Variants in UEVLD observed in about 807,000 individuals in gnomAD.
UEVLD encodes the protein UEV and lactate/malate dehyrogenase domains, also known as ubiquitin-conjugating enzyme E2 variant 3.
Under a neutral mutation model 58.6 loss-of-function variants are expected in UEVLD, and 47 were observed. The observed-to-expected ratio is 0.80, with a 90% CI of 0.63 to 1.02. The LOEUF is 1.02. Among genes scored for constraint, UEVLD ranks in the 50% least tolerant of loss-of-function variants. The pLI, the probability that UEVLD is intolerant of heterozygous loss-of-function variation, is 0.00. For missense variants in UEVLD, 510 were observed against 550.6 expected (o/e 0.93, Z 0.74); for synonymous variants, 197 against 195.3 (o/e 1.01, Z -0.07).
Position 18,532,387 on chromosome 11 carries a change from GTA to G in UEVLD, c.1347_1348del (p.Thr450SerfsTer3). On this transcript the variant is annotated frameshift_variant, in exon 12 of 12. Coordinates refer to ENST00000396197, the MANE Select transcript of UEVLD (RefSeq NM_001040697.4). LOFTEE classifies it high-confidence loss of function. ...ACTGCTTTGGAGTTTCTCAGTAACTGTATCTTCTTTCAGTGTGGTTTTGATAA... is the reference window on the plus strand; with the variant it reads ...ACTGCTTTGGAGTTTCTCAGTAACTGTCTTCTTTCAGTGTGGTTTTGATAA... 1.9e-6 allele frequency: 3 copies of G among 1,613,612 alleles called. No individual in the cohort carries two copies. The highest frequency in any genetic ancestry group is 2.5e-6 in the Non-Finnish European group (3 of 1,179,820).
At chr11:18,536,587 T>C in intron 9 of UEVLD, 118 bp from the exon 10 acceptor site, 1 of 838,454 alleles carries the variant, frequency 1.2e-6, no homozygotes, top group Non-Finnish European at 1.9e-6. Flanking sequence ...AGTTTTCTCA[T>C]TTCTAGCAAG....
intron 8 of UEVLD, among the ~76,000 whole-genome samples, chr11:18,545,070 C>CTATATCTATATCTATATA (rs1554976327): frequency 9.7e-6 from 1 of 103,472 alleles, no homozygotes; most frequent in African/African-American, 3.6e-5. Flanking sequence ...ATATCTATAT[C>CTATATCTATATCTATATA]TATATTTTTT....
intron 6 of UEVLD, among the ~76,000 whole-genome samples, chr11:18,559,185 TTTTTCTTTTC>T (rs372949115): frequency 2.7e-5 from 4 of 150,286 alleles, no homozygotes; most frequent in African/African-American, 7.3e-5. Flanking sequence ...TGCAGGTTTC[TTTTTCTTTTC>T]TTTTCTTTTC....
chr11:18,536,373 G>A lies in UEVLD; in HGVS notation c.1124+33C>T, dbSNP rs779364040. ...TTAGCTATGAAGTAAATGATTTTTC[G>A]TTGGATAAATGCAAATTTCCAGTCA... is the stretch of plus-strand genomic sequence containing the variant. On this transcript the variant is annotated intron_variant, in intron 10 of 11. Coordinates refer to ENST00000396197, the MANE Select transcript of UEVLD (RefSeq NM_001040697.4). 91 of 1,596,556 alleles carry A rather than the reference G, an allele frequency of 5.7e-5. No homozygotes were observed. The East Asian group carries it at 1.0e-3, about 18-fold the overall frequency.
chr11:18,551,774 C>A (rs1851540833), intron 7 of UEVLD, among the ~76,000 whole-genome samples: 1 of 152,174 alleles, frequency 6.6e-6, no homozygotes, highest in Non-Finnish European at 1.5e-5. Context: ...CTATATCCTT[C>A]CTGCTAAGCC....
At chr11:18,533,261 A>G (rs1302615024) in intron 11 of UEVLD, among the ~76,000 whole-genome samples, 2 of 151,906 alleles carry the variant, frequency 1.3e-5, no homozygotes, top group African/African-American at 4.8e-5. Flanking sequence ...GCTGTTGAAC[A>G]CTAGAATTTA....
At chr11:18,553,603 T>C (rs1851627816) in intron 7 of UEVLD, among the ~76,000 whole-genome samples, 1 of 152,130 alleles carries the variant, frequency 6.6e-6, no homozygotes, top group Admixed American at 6.5e-5. Context: ...AGTGAAAAAG[T>C]GCAACCCGAT....
chr11:18,557,427 C>T (rs1055513309), intron 7 of UEVLD, among the ~76,000 whole-genome samples: 55 of 152,130 alleles, frequency 3.6e-4, no homozygotes, highest in Admixed American at 2.9e-3. Flanking sequence ...GCTGGGATTA[C>T]AGGCGTGAGC....
At position 18,531,090 on chromosome 11, in the gene UEVLD, G is replaced by A. The variant is rs1590297667; in HGVS notation, c.*1230C>T. 1 of 152,114 alleles carries A rather than the reference G, an allele frequency of 6.6e-6. No homozygotes were observed. Among genetic ancestry groups the A allele is most frequent in the Non-Finnish European group, 1.5e-5 (1 of 68,044 alleles). 9.4% of individuals were successfully genotyped at this position (152,114 alleles called of 1,614,324 possible). A position where few individuals can be genotyped will look rare whatever the true frequency, so the allele number is the denominator to read the frequency against. On this transcript the variant is annotated 3_prime_UTR_variant, in exon 12 of 12. Coordinates refer to ENST00000396197, the MANE Select transcript of UEVLD (RefSeq NM_001040697.4). ...GAAAGTAATCCTTTCATGGTGTACA[G>A]GACCCCAGCTTTAGGGTCTTTTGAT... is the stretch of plus-strand genomic sequence containing the variant.
At chr11:18,563,630 T>G in intron 6 of UEVLD, 3 of 952,508 alleles carry the variant, frequency 3.1e-6, no homozygotes, top group Non-Finnish European at 3.7e-6. Context: ...AAAATTCAGA[T>G]GAGAAAACAA....
At chr11:18,561,474 G>A (rs1852028361) in intron 6 of UEVLD, among the ~76,000 whole-genome samples, 1 of 151,892 alleles carries the variant, frequency 6.6e-6, no homozygotes, top group African/African-American at 2.4e-5. Context: ...GCACGTACCT[G>A]TAATCCCAGC....
chr11:18,578,513 A>C (rs1238218809), intron 2 of UEVLD, among the ~76,000 whole-genome samples: 1 of 152,214 alleles, frequency 6.6e-6, no homozygotes, highest in African/African-American at 2.4e-5. Flanking sequence ...AAAGCCACTA[A>C]GTTTGTGGTA....
intron 11 of UEVLD, among the ~76,000 whole-genome samples, chr11:18,533,541 A>G (rs967731028): frequency 6.6e-6 from 1 of 151,856 alleles, no homozygotes; most frequent in Admixed American, 6.6e-5. Context: ...AGAATATGTG[A>G]TATTTGTCTT....
Position 18,575,427 on chromosome 11 carries a change from A to G in UEVLD, c.128-15T>C, listed in dbSNP as rs752466182. The stretch of plus-strand genomic sequence containing the variant: ...ATCTTTAAAAACTAGAAGAAAAAAA[A>G]AAAAGCCCCAAAATGTGCAATCAGA... On this transcript the variant is annotated splice_polypyrimidine_tract_variant and intron_variant, in intron 2 of 11. Coordinates refer to ENST00000396197, the MANE Select transcript of UEVLD (RefSeq NM_001040697.4). 1.8e-5 allele frequency: 28 copies of G among 1,585,668 alleles called. No individual in the cohort carries two copies. Among genetic ancestry groups the G allele is most frequent in the Non-Finnish European group, 2.4e-5 (28 of 1,173,182 alleles).
intron 2 of UEVLD, among the ~76,000 whole-genome samples, chr11:18,576,378 C>T (rs1165810126): frequency 1.3e-5 from 2 of 151,714 alleles, no homozygotes; most frequent in Non-Finnish European, 2.9e-5. Context: ...CATGATGAAA[C>T]CCCATCTCTA....
chr11:18,556,687 C>T, intron 7 of UEVLD, among the ~76,000 whole-genome samples: 1 of 151,984 alleles, frequency 6.6e-6, no homozygotes, highest in Non-Finnish European at 1.5e-5. Flanking sequence ...ATCATGCATC[C>T]TTGGTAAAAT....
At chr11:18,574,492 G>A (rs1852799185) in intron 3 of UEVLD, among the ~76,000 whole-genome samples, 1 of 152,206 alleles carries the variant, frequency 6.6e-6, no homozygotes, top group East Asian at 1.9e-4. Flanking sequence ...ATAAATATTT[G>A]GAAACAAAGA....
intron 7 of UEVLD, among the ~76,000 whole-genome samples, chr11:18,557,209 G>C (rs1017491981): frequency 2.0e-5 from 3 of 151,874 alleles, no homozygotes; most frequent in African/African-American, 7.3e-5. Flanking sequence ...CTGGAGTGCA[G>C]TGGCGCATCT....
rs765563689 is a variant in UEVLD at position 18,546,900 on chromosome 11, A to T, written c.866T>A (p.Leu289Gln). The T allele has an allele frequency of 3.7e-6, 6 of 1,613,646 alleles. No homozygotes were observed. In the African/African-American group the frequency reaches 8.0e-5, roughly 22 times the overall value. Residue 289 changes from leucine (L) to glutamine (Q), a missense_variant, in exon 8 of 12, where the codon CTG becomes CAG. Physicochemically the swap from Leu to Gln is moderately radical, Grantham distance 113. Transcript: ENST00000396197. ...ALGHYSQHSVLLVASQPVEIM... is the reference protein window; with the variant it reads ...ALGHYSQHSVQLVASQPVEIM... ...TTTACCTGGTTGAGATGCAACGAGC[A>T]GGACACTGTGTTGACTATAATGTCC...
Sources: gnomAD v4.1 joint callset for allele counts (sites outside exome capture counted in the v4.1 genomes callset) on GRCh38, gnomAD v4.1.1 for gene constraint, MANE v1.5 for transcripts, NCBI Gene and HGNC (gene_info 2026-07-23, HGNC 2026-07-21) for gene names.